MACROD2: variants seen among roughly 807,000 people sequenced by gnomAD.
MACROD2 encodes ADP-ribose glycohydrolase MACROD2.
Under a neutral mutation model 70.4 loss-of-function variants are expected in MACROD2, and 36 were observed. The ratio of observed to expected loss-of-function variants is 0.51; its 90% CI spans 0.39 to 0.68. The LOEUF (loss-of-function observed/expected upper bound fraction) is 0.68. Among genes scored for constraint, MACROD2 ranks in the 30% least tolerant of loss-of-function variants. The pLI is 0.00. For synonymous variants in MACROD2, 172 were observed against 178.8 expected (o/e 0.96, Z 0.30); for missense variants, 496 against 538.4 (o/e 0.92, Z 0.78).
chr20:15,794,879 G>C (rs1238043031), intron 8 of MACROD2, among the ~76,000 whole-genome samples: 2 of 152,146 alleles, frequency 1.3e-5, no homozygotes, highest in African/African-American at 2.4e-5. Context: ...TGATCAGATA[G>C]ACCGATAGAT....
At position 14,270,242 on chromosome 20, in the gene MACROD2, C is replaced by CGT. The variant is rs542323512; in HGVS notation, c.271+184525_271+184526dup. Among the ~76,000 whole-genome samples the CGT allele has an allele frequency of 2.4e-3, 362 of 151,982 alleles. 4 individuals carry two copies. Among genetic ancestry groups the CGT allele is most frequent in the Middle Eastern group, 0.01 (3 of 292 alleles). ...ATACACACACATATATGTCTACATA[C>CGT]GTGTGTGTGTGTATAAAAGGAGTGA... On this transcript the variant is annotated intron_variant, in intron 3 of 17. Coordinates refer to ENST00000684519, the MANE Select transcript of MACROD2 (RefSeq NM_001351661.2).
intron 8 of MACROD2, among the ~76,000 whole-genome samples, chr20:15,786,773 A>G (rs1288866429): frequency 6.6e-6 from 1 of 152,182 alleles, no homozygotes; most frequent in Non-Finnish European, 1.5e-5. Flanking sequence ...CAATACATAT[A>G]TTTAAATTTA....
intron 8 of MACROD2, among the ~76,000 whole-genome samples, chr20:15,743,106 T>G (rs1485263125): frequency 6.6e-6 from 1 of 152,166 alleles, no homozygotes; most frequent in Non-Finnish European, 1.5e-5. Flanking sequence ...CATGAAGTAA[T>G]GACAAAGAAG....
intron 15 of MACROD2, among the ~76,000 whole-genome samples, chr20:16,014,213 A>T (rs575875311): frequency 1.3e-5 from 2 of 152,214 alleles, no homozygotes; most frequent in African/African-American, 2.4e-5. Flanking sequence ...CTTCAAATAG[A>T]CTAGGTGAAA....
chr20:15,097,142 C>T (rs752449626), intron 5 of MACROD2, among the ~76,000 whole-genome samples: 4 of 152,036 alleles, frequency 2.6e-5, no homozygotes, highest in East Asian at 1.9e-4. Flanking sequence ...TTTGCTTTTG[C>T]GAGACTCAAT....
chr20:15,042,461 G>A lies in MACROD2; in HGVS notation c.419-187479G>A, dbSNP rs539825657. On this transcript the variant is annotated intron_variant, in intron 5 of 17. Coordinates refer to ENST00000684519, the MANE Select transcript of MACROD2 (RefSeq NM_001351661.2). ...ATAGCATCCTACAGCAGAATGGGAC[G>A]TGTGTTTGGCTGAGGCCTGACTCTC... 4.6e-5 allele frequency among the ~76,000 whole-genome samples: 7 copies of A among 152,296 alleles called. No individual in the cohort carries two copies. In the South Asian group the frequency reaches 6.2e-4, roughly 14 times the overall value.
chr20:15,285,382 T>A (rs2077481457), intron 6 of MACROD2, among the ~76,000 whole-genome samples: 1 of 152,184 alleles, frequency 6.6e-6, no homozygotes, highest in Non-Finnish European at 1.5e-5. Flanking sequence ...ACTTCCACAT[T>A]TCCTTAGAGC....
In MACROD2 at chr20:14,800,461, C is replaced by T. The variant is rs1325566415; in HGVS notation, c.418+115502C>T. ...TTTTATGGGTGAAAATCATTGCCTA[C>T]CAAAGGTTATTTCTGTCATTTTTAA... is the stretch of plus-strand genomic sequence containing the variant. On this transcript the variant is annotated intron_variant, in intron 5 of 17. Transcript: ENST00000684519. 5.3e-5 allele frequency among the ~76,000 whole-genome samples: 8 copies of T among 152,018 alleles called. No homozygotes were observed. In the South Asian group the frequency reaches 1.0e-3, roughly 20 times the overall value.
chr20:14,606,341 A>G (rs1982797424), intron 4 of MACROD2, among the ~76,000 whole-genome samples: 1 of 152,142 alleles, frequency 6.6e-6, no homozygotes, highest in South Asian at 2.1e-4. Flanking sequence ...AGATAAGAAG[A>G]CCATTTTCCT....
At position 15,112,896 on chromosome 20, in the gene MACROD2, ATGT is replaced by A. The variant is rs199857184; in HGVS notation, c.419-117040_419-117038del. Reference sequence around the variant, plus strand: ...ATAAGTGGAATCATTATATCTGTCCATGTTGTAGCATGTGTCAGAATTTCCTTT... The same window carrying A: ...ATAAGTGGAATCATTATATCTGTCCATGTAGCATGTGTCAGAATTTCCTTT... On this transcript the variant is annotated intron_variant, in intron 5 of 17. Transcript: ENST00000684519. Among the ~76,000 whole-genome samples, 1,454 of 151,664 alleles carry A rather than the reference ATGT, an allele frequency of 9.6e-3. 10 individuals carry two copies. The highest frequency in any genetic ancestry group is 0.015 in the Non-Finnish European group (1,000 of 67,880).
intron 3 of MACROD2, among the ~76,000 whole-genome samples, chr20:14,475,327 A>G (rs2084579488): frequency 8.5e-6 from 1 of 117,638 alleles, no homozygotes; most frequent in African/African-American, 3.0e-5. Flanking sequence ...TACCATAATT[A>G]ATTAATATAA....
At chr20:15,507,447 TTTC>T (rs2047441428) in intron 8 of MACROD2, among the ~76,000 whole-genome samples, 1 of 151,526 alleles carries the variant, frequency 6.6e-6, no homozygotes, top group Admixed American at 6.6e-5. Flanking sequence ...TTCCTTTCTT[TTTC>T]TTTTTTATTT....
chr20:14,045,080 CG>C (rs997686190), intron 2 of MACROD2, among the ~76,000 whole-genome samples: 14 of 152,334 alleles, frequency 9.2e-5, no homozygotes, highest in East Asian at 3.9e-4. Flanking sequence ...GCTCCGAGTG[CG>C]GGGCCCGAGG....
intron 5 of MACROD2, among the ~76,000 whole-genome samples, chr20:14,729,323 C>G (rs900731443): frequency 6.6e-6 from 1 of 152,100 alleles, no homozygotes; most frequent in Admixed American, 6.5e-5. Flanking sequence ...ATAAGATTGA[C>G]TAGACTAGAT....
At chr20:14,871,764 C>A (rs1490101907) in intron 5 of MACROD2, among the ~76,000 whole-genome samples, 1 of 152,050 alleles carries the variant, frequency 6.6e-6, no homozygotes, top group African/African-American at 2.4e-5. Context: ...GATATGCTAT[C>A]TTCAAGAGAC....
chr20:15,086,330 A>G (rs2075748577), intron 5 of MACROD2, among the ~76,000 whole-genome samples: 1 of 152,158 alleles, frequency 6.6e-6, no homozygotes, highest in Non-Finnish European at 1.5e-5. Context: ...GCTAAGTTTT[A>G]TGAAAAGCAT....
chr20:14,365,965 A>G (rs1245551571), intron 3 of MACROD2, among the ~76,000 whole-genome samples: 1 of 152,176 alleles, frequency 6.6e-6, no homozygotes, highest in Non-Finnish European at 1.5e-5. Flanking sequence ...TGAGGAAGAT[A>G]CTTTGGATGA....
At chr20:14,458,823 T>C (rs1031781547) in intron 3 of MACROD2, among the ~76,000 whole-genome samples, 3 of 151,972 alleles carry the variant, frequency 2.0e-5, no homozygotes, top group Non-Finnish European at 4.4e-5. Flanking sequence ...AAAAATTAAG[T>C]GCTTTTCAAA....
intron 3 of MACROD2, among the ~76,000 whole-genome samples, chr20:14,356,198 A>G (rs906053203): frequency 6.6e-6 from 1 of 152,232 alleles, no homozygotes; most frequent in Non-Finnish European, 1.5e-5. Flanking sequence ...AATTGGGAAT[A>G]ATAACACTCT....
Sources: gnomAD v4.1 joint callset for allele counts (sites outside exome capture counted in the v4.1 genomes callset) on GRCh38, gnomAD v4.1.1 for gene constraint, MANE v1.5 for transcripts, NCBI Gene and HGNC (gene_info 2026-07-23, HGNC 2026-07-21) for gene names.